The following TENM3 variants were observed in gnomAD, a reference collection of about 807,000 sequenced individuals.
TENM3 encodes teneurin-3.
A neutral mutation model predicts 255.1 loss-of-function variants in TENM3; 63 were observed. The ratio of observed to expected loss-of-function variants is 0.25; its 90% confidence interval spans 0.20 to 0.30. The LOEUF is 0.30. TENM3 is among the 10% of genes least tolerant of loss of function. The pLI, the probability that TENM3 is intolerant of heterozygous loss-of-function variation, is 1.00. For synonymous variants in TENM3, 1,306 were observed against 1,322.3 expected, an observed-to-expected ratio of 0.99 and a Z score of 0.27; for missense variants, 2,929 against 3,461.1, an observed-to-expected ratio of 0.85 and a Z score of 3.86.
At chr4:181,765,505 C>G in the TENM3 span, among the ~76,000 whole-genome samples, 1 of 152,108 alleles carries the variant, frequency 6.6e-6, no homozygotes, top group African/African-American at 2.4e-5. Context: ...GGGAAAAGAA[C>G]AACACAATAT....
the TENM3 span, among the ~76,000 whole-genome samples, chr4:181,462,385 C>G: frequency 6.6e-6 from 1 of 152,162 alleles, no homozygotes; most frequent in Non-Finnish European, 1.5e-5. Flanking sequence ...TCTCTGTGTT[C>G]TATACCAGTA....
the TENM3 span, among the ~76,000 whole-genome samples, chr4:181,575,338 G>T: frequency 6.6e-6 from 1 of 151,654 alleles, no homozygotes; most frequent in African/African-American, 2.4e-5. Context: ...TTATTCCATG[G>T]TATACCAATA....
Position 182,295,261 on chromosome 4 carries a change from C to CTTT in TENM3, c.-75-28663_-75-28661dup, listed in dbSNP as rs752005972. On this transcript the variant is annotated intron_variant, in intron 1 of 27. Transcript: ENST00000511685. ...CAAGTGGTATATGTGCTTTGCTTTT[C>CTTT]TTTTTTTTTTTTTTTTTTTTTTTTG... Among the ~76,000 whole-genome samples the CTTT allele has an allele frequency of 7.4e-3, 522 of 70,326 alleles. 2 individuals carry two copies. The highest frequency in any genetic ancestry group is 0.023 in the African/African-American group (333 of 14,692). 46.1% of individuals were successfully genotyped at this position (70,326 alleles called of 152,430 possible).
chr4:181,624,846 A>T, the TENM3 span, among the ~76,000 whole-genome samples: 74 of 152,224 alleles, frequency 4.9e-4, no homozygotes, highest in East Asian at 2.9e-3. Context: ...GGTGCAGGAA[A>T]GGTTGGAAGG....
At chr4:182,775,422 A>G (rs1244407248) in intron 24 of TENM3, among the ~76,000 whole-genome samples, 3 of 152,182 alleles carry the variant, frequency 2.0e-5, no homozygotes, top group Non-Finnish European at 2.9e-5. Context: ...AGCCATGACC[A>G]TGAAAACCAG....
chr4:181,870,345 A>G, the TENM3 span, among the ~76,000 whole-genome samples: 3 of 152,160 alleles, frequency 2.0e-5, no homozygotes, highest in Non-Finnish European at 4.4e-5. Flanking sequence ...GATAATACCA[A>G]GGAATAAAAT....
At chr4:181,909,609 A>G in the TENM3 span, among the ~76,000 whole-genome samples, 2 of 149,578 alleles carry the variant, frequency 1.3e-5, no homozygotes, top group Admixed American at 1.3e-4. Context: ...CCCACATCAT[A>G]CTGTATTTGT....
chr4:182,425,784 C>A (rs909030248), intron 3 of TENM3, among the ~76,000 whole-genome samples: 1 of 152,012 alleles, frequency 6.6e-6, no homozygotes, highest in Admixed American at 6.6e-5. Flanking sequence ...CCGAGGCAGG[C>A]GGATCACGAG....
intron 3 of TENM3, among the ~76,000 whole-genome samples, chr4:182,368,602 A>G (rs1435484024): frequency 2.6e-5 from 4 of 152,244 alleles, no homozygotes; most frequent in Admixed American, 2.6e-4. Context: ...AGAAGGGAGC[A>G]TAGGCTATAT....
chr4:182,179,185 G>A (rs1239450077), intron 1 of TENM3, among the ~76,000 whole-genome samples: 3 of 152,144 alleles, frequency 2.0e-5, no homozygotes, highest in Non-Finnish European at 4.4e-5. Context: ...TTCCCCTGGT[G>A]GTCTTTCAAA....
the TENM3 span, among the ~76,000 whole-genome samples, chr4:181,552,799 C>T: frequency 1.3e-5 from 2 of 152,200 alleles, no homozygotes; most frequent in South Asian, 2.1e-4. Flanking sequence ...GGACAAACTT[C>T]GGAGGTCCCG....
chr4:181,520,252 T>C, the TENM3 span, among the ~76,000 whole-genome samples: 1 of 152,142 alleles, frequency 6.6e-6, no homozygotes, highest in Non-Finnish European at 1.5e-5. Context: ...CACAGTACAG[T>C]AGCATCCTGC....
the TENM3 span, among the ~76,000 whole-genome samples, chr4:181,824,637 T>A: frequency 1.3e-5 from 2 of 152,126 alleles, no homozygotes; most frequent in African/African-American, 4.8e-5. Flanking sequence ...CAACATGAGT[T>A]GCTGATCAGG....
chr4:182,287,285 G>T (rs1233635034), intron 1 of TENM3, among the ~76,000 whole-genome samples: 2 of 152,156 alleles, frequency 1.3e-5, no homozygotes, highest in African/African-American at 4.8e-5. Context: ...TCTGGCCCCT[G>T]CCTGGTTCTC....
intron 5 of TENM3, among the ~76,000 whole-genome samples, chr4:182,653,471 G>A (rs1753501289): frequency 6.6e-6 from 1 of 152,150 alleles, no homozygotes; most frequent in Non-Finnish European, 1.5e-5. Context: ...TTAAAAGATG[G>A]TGAAAAATGG....
At chr4:182,761,708 A>G (rs1278120741) in intron 22 of TENM3, among the ~76,000 whole-genome samples, 1 of 152,168 alleles carries the variant, frequency 6.6e-6, no homozygotes, top group Non-Finnish European at 1.5e-5. Context: ...GAAAACATTT[A>G]GGAGTTTAAG....
At chr4:182,195,895 A>G (rs142433088) in intron 1 of TENM3, among the ~76,000 whole-genome samples, 22 of 152,248 alleles carry the variant, frequency 1.4e-4, no homozygotes, top group African/African-American at 5.1e-4. Context: ...AAATTCTCTA[A>G]CCTTGAAAAT....
intron 3 of TENM3, among the ~76,000 whole-genome samples, chr4:182,510,123 A>G (rs934345377): frequency 1.3e-5 from 2 of 152,188 alleles, no homozygotes; most frequent in African/African-American, 2.4e-5. Context: ...ACCAAGTTTT[A>G]GCCTCCAGTT....
the TENM3 span, among the ~76,000 whole-genome samples, chr4:182,125,337 A>G: frequency 1.3e-5 from 2 of 152,236 alleles, no homozygotes; most frequent in South Asian, 4.1e-4. Context: ...GATGGCCCCC[A>G]GGTGTGCAAG....
Sources: gnomAD v4.1 joint callset for allele counts (sites outside exome capture counted in the v4.1 genomes callset) on GRCh38, gnomAD v4.1.1 for gene constraint, MANE v1.5 for transcripts, NCBI Gene and HGNC (gene_info 2026-07-23, HGNC 2026-07-21) for gene names.